ARHGAP20: variants seen among roughly 807,000 people sequenced by gnomAD.
ARHGAP20 encodes rho GTPase-activating protein 20.
ARHGAP20 carries 34 observed loss-of-function variants against 73.7 expected under a neutral mutation model. That is an observed-to-expected ratio of 0.46 (90% CI 0.35 to 0.61). ARHGAP20 has a LOEUF of 0.61. ARHGAP20 is among the 20% of genes least tolerant of loss of function. The pLI, the probability that ARHGAP20 is intolerant of heterozygous loss-of-function variation, is 0.00. For missense variants in ARHGAP20, 1,314 were observed against 1,420.9 expected (o/e 0.92, Z 1.21); for synonymous variants, 523 against 518.2 (o/e 1.01, Z -0.13).
chr11:110,625,612 T>G (rs1043469309), intron 3 of ARHGAP20, among the ~76,000 whole-genome samples: 16 of 152,088 alleles, frequency 1.1e-4, no homozygotes, highest in African/African-American at 3.9e-4. Flanking sequence ...AACATTCATC[T>G]CTGGGGACCT....
chr11:110,672,659 C>T (rs1949852899), intron 2 of ARHGAP20, among the ~76,000 whole-genome samples: 1 of 152,116 alleles, frequency 6.6e-6, no homozygotes, highest in Admixed American at 6.5e-5. Context: ...GTTAGCCAGA[C>T]TTGGCTGAAA....
Position 110,654,434 on chromosome 11 carries a change from C to T in ARHGAP20, c.189-23642G>A, listed in dbSNP as rs371058547. ...ATGATCACAAATTAGTGCTAAATAA[C>T]AAATGTCTTAATTTCTATTTTACTT... On this transcript the variant is annotated intron_variant, in intron 2 of 14. Transcript: ENST00000683387. Among the ~76,000 whole-genome samples the T allele has an allele frequency of 9.9e-5, 15 of 152,242 alleles. No homozygotes were observed. In the East Asian group the frequency reaches 1.2e-3, roughly 12 times the overall value.
At chr11:110,684,308 C>G (rs1398993095) in intron 2 of ARHGAP20, among the ~76,000 whole-genome samples, 2 of 151,938 alleles carry the variant, frequency 1.3e-5, no homozygotes, top group East Asian at 3.9e-4. Flanking sequence ...ATTAGTGAAC[C>G]TTTAAAGTAA....
intron 1 of ARHGAP20, among the ~76,000 whole-genome samples, chr11:110,694,212 A>C (rs1319944552): frequency 6.6e-6 from 1 of 151,880 alleles, no homozygotes; most frequent in Non-Finnish European, 1.5e-5. Context: ...AATGGGAAAA[A>C]ATGAGGAGGA....
intron 2 of ARHGAP20, among the ~76,000 whole-genome samples, chr11:110,633,571 A>G (rs1473213542): frequency 6.6e-6 from 1 of 152,196 alleles, no homozygotes; most frequent in East Asian, 1.9e-4. Flanking sequence ...ACTGATAGGC[A>G]TTCAGTAGAA....
intron 12 of ARHGAP20, among the ~76,000 whole-genome samples, chr11:110,585,018 C>CACATATGTGA (rs1312034478): frequency 3.2e-5 from 2 of 61,774 alleles, no homozygotes; most frequent in Non-Finnish European, 9.0e-5. Context: ...TGTATGTGAA[C>CACATATGTGA]ATATATGTGA....
chr11:110,702,650 C>A (rs776595709), intron 1 of ARHGAP20, among the ~76,000 whole-genome samples: 3 of 152,046 alleles, frequency 2.0e-5, no homozygotes, highest in Non-Finnish European at 4.4e-5. Context: ...TTGTCTCAGC[C>A]CAAAATCTCC....
At chr11:110,623,238 G>A (rs1366102504) in intron 4 of ARHGAP20, among the ~76,000 whole-genome samples, 2 of 152,110 alleles carry the variant, frequency 1.3e-5, no homozygotes, top group Non-Finnish European at 2.9e-5. Flanking sequence ...CTGGCTTTAT[G>A]ATGATGTCCT....
intron 2 of ARHGAP20, among the ~76,000 whole-genome samples, chr11:110,672,720 C>T (rs1051289476): frequency 8.5e-5 from 13 of 152,156 alleles, no homozygotes; most frequent in Admixed American, 2.6e-4. Flanking sequence ...ATGTCTTAAG[C>T]TATTATTACT....
Position 110,577,911 on chromosome 11 carries a change from G to GTGAT in ARHGAP20, c.*1455_*1458dup, listed in dbSNP as rs1259195537. ...GAACATTTGATATGACCATTTTCTG[G>GTGAT]TGATTAATAAGACAAATAATTTGGA... On this transcript the variant is annotated 3_prime_UTR_variant, in exon 15 of 15. Coordinates refer to ENST00000683387, the MANE Select transcript of ARHGAP20 (RefSeq NM_001384657.1). The GTGAT allele has an allele frequency of 1.0e-6, 1 of 985,572 alleles. No homozygotes were observed. Among genetic ancestry groups the GTGAT allele is most frequent in the East Asian group, 1.1e-4 (1 of 8,836 alleles). The allele number at this position is 985,572 out of a possible 1,614,324, so 61.1% of individuals were successfully genotyped here.
intron 13 of ARHGAP20, among the ~76,000 whole-genome samples, chr11:110,582,644 G>C (rs1947504808): frequency 6.6e-6 from 1 of 152,182 alleles, no homozygotes; most frequent in Admixed American, 6.5e-5. Flanking sequence ...GTGGACTAAA[G>C]TTATTATTTG....
chr11:110,698,406 T>G (rs1950378897), intron 1 of ARHGAP20, among the ~76,000 whole-genome samples: 1 of 151,850 alleles, frequency 6.6e-6, no homozygotes, highest in African/African-American at 2.4e-5. Context: ...CCTTCTCTGA[T>G]TTTGGTATCA....
At chr11:110,663,955 A>G (rs950704664) in intron 2 of ARHGAP20, among the ~76,000 whole-genome samples, 13 of 152,234 alleles carry the variant, frequency 8.5e-5, no homozygotes, top group Non-Finnish European at 1.9e-4. Context: ...TTAAAAATTA[A>G]TCAATATAAT....
Position 110,638,469 on chromosome 11 carries a change from T to A in ARHGAP20, c.189-7677A>T. The stretch of plus-strand genomic sequence containing the variant: ...CAGAGTGAGTGAGACCATTAGGAAG[T>A]TACGGCAGTAGTCTTAGGTAAGAGA... On this transcript the variant is annotated intron_variant, in intron 2 of 14. Transcript: ENST00000683387. Among the ~76,000 whole-genome samples the A allele has an allele frequency of 1.3e-5, 2 of 151,980 alleles. 1 individual carries two copies. The highest frequency in any genetic ancestry group is 3.9e-4 in the East Asian group (2 of 5,170).
intron 2 of ARHGAP20, among the ~76,000 whole-genome samples, chr11:110,662,801 C>T (rs984904541): frequency 6.6e-6 from 1 of 151,834 alleles, no homozygotes; most frequent in African/African-American, 2.4e-5. Flanking sequence ...ACTGAAAAGA[C>T]TTGGAAATGA....
intron 2 of ARHGAP20, among the ~76,000 whole-genome samples, chr11:110,636,182 GT>G (rs2134971916): frequency 6.6e-6 from 1 of 152,182 alleles, no homozygotes; most frequent in East Asian, 1.9e-4. Context: ...TGCCATTTCT[GT>G]CAAAACTATT....
At chr11:110,696,199 A>G (rs1399854728) in intron 1 of ARHGAP20, among the ~76,000 whole-genome samples, 3 of 151,612 alleles carry the variant, frequency 2.0e-5, no homozygotes, top group Admixed American at 6.6e-5. Context: ...AAGGGGGTTC[A>G]GTGTTTCTTT....
intron 2 of ARHGAP20, among the ~76,000 whole-genome samples, chr11:110,649,032 T>C (rs1205492845): frequency 6.6e-6 from 1 of 152,064 alleles, no homozygotes; most frequent in Non-Finnish European, 1.5e-5. Context: ...GGGAATCTAA[T>C]TTTGACATGT....
At chr11:110,608,075 G>A (rs1948275901) in intron 8 of ARHGAP20, among the ~76,000 whole-genome samples, 1 of 152,098 alleles carries the variant, frequency 6.6e-6, no homozygotes, top group African/African-American at 2.4e-5. Flanking sequence ...TTGTAGAAAA[G>A]TTTGGTTTTA....
Sources: gnomAD v4.1 joint callset for allele counts (sites outside exome capture counted in the v4.1 genomes callset) on GRCh38, gnomAD v4.1.1 for gene constraint, MANE v1.5 for transcripts, NCBI Gene and HGNC (gene_info 2026-07-23, HGNC 2026-07-21) for gene names.